SORCS1: variants seen among roughly 807,000 people sequenced by gnomAD.
SORCS1 encodes the protein sortilin related VPS10 domain containing receptor 1.
In SORCS1, 60 loss-of-function variants were observed where a neutral mutation model predicts 146.1. That is an observed-to-expected ratio of 0.41 (90% CI 0.33 to 0.51). The LOEUF (loss-of-function observed/expected upper bound fraction) is 0.51, where lower values mean the gene tolerates loss of function less well. SORCS1 is among the 20% of genes least tolerant of loss of function. SORCS1 has a pLI of 0.21. For synonymous variants in SORCS1, 637 were observed against 584.0 expected (o/e 1.09, Z -1.31); for missense variants, 1,352 against 1,487.6 (o/e 0.91, Z 1.50).
chr10:107,094,774 A>G (rs530800997), intron 1 of SORCS1, among the ~76,000 whole-genome samples: 1 of 152,344 alleles, frequency 6.6e-6, no homozygotes, highest in African/African-American at 2.4e-5. Context: ...CAAAAGTAGC[A>G]TTTGACTTGG....
rs1027897930 is a variant in SORCS1 at position 106,960,715 on chromosome 10, G to A, written c.559-4135C>T. Among the ~76,000 whole-genome samples, 1 of 152,062 alleles carries A rather than the reference G, an allele frequency of 6.6e-6. No homozygotes were observed. ...TGCGCCCAGCCAGTCCATACTTAGA[G>A]AGAGGATGCCAGTGCCCACTCACCA... On this transcript the variant is annotated intron_variant, in intron 1 of 25. Coordinates refer to ENST00000263054, the MANE Select transcript of SORCS1 (RefSeq NM_052918.5). This position sits in a 1 kb window ranked among gnomAD's most constrained non-coding sequence, Gnocchi z 4.4.
intron 2 of SORCS1, among the ~76,000 whole-genome samples, chr10:106,888,155 C>A (rs998148724): frequency 2.6e-5 from 4 of 152,162 alleles, no homozygotes; most frequent in African/African-American, 9.7e-5. Context: ...ACAAACTATT[C>A]TTCCATTCTT....
At chr10:106,920,496 C>T (rs1952660684) in intron 2 of SORCS1, among the ~76,000 whole-genome samples, 3 of 152,092 alleles carry the variant, frequency 2.0e-5, no homozygotes, top group African/African-American at 4.8e-5. Context: ...TTAAATCCAC[C>T]CCTTCTCCCT....
Position 107,090,450 on chromosome 10 carries a change from C to A in SORCS1, c.558+73519G>T, listed in dbSNP as rs114761416. On this transcript the variant is annotated intron_variant, in intron 1 of 25. Transcript: ENST00000263054. ...ACTTGTAATTCAGGTTGGGTCACGG[C>A]TTCACGAACATTACCTTCCTCATGA... Among the ~76,000 whole-genome samples, 570 of 152,280 alleles carry A rather than the reference C, an allele frequency of 3.7e-3. 3 individuals carry two copies. The highest frequency in any genetic ancestry group is 0.013 in the African/African-American group (548 of 41,562).
At chr10:106,868,571 T>C (rs1299325292) in intron 2 of SORCS1, among the ~76,000 whole-genome samples, 2 of 152,156 alleles carry the variant, frequency 1.3e-5, no homozygotes, top group Non-Finnish European at 2.9e-5. Context: ...ATGGAAATTA[T>C]GCAACATGCT....
intron 1 of SORCS1, among the ~76,000 whole-genome samples, chr10:107,075,600 T>G (rs752866531): frequency 5.9e-5 from 9 of 152,134 alleles, no homozygotes; most frequent in Non-Finnish European, 1.2e-4. Context: ...TTTGGGCTCC[T>G]GAATTTCTCC....
At chr10:106,817,474 A>G (rs543267727) in intron 3 of SORCS1, among the ~76,000 whole-genome samples, 2 of 151,978 alleles carry the variant, frequency 1.3e-5, no homozygotes, top group South Asian at 2.1e-4. Context: ...GTTTTACTCC[A>G]TTTTTCTCAT....
intron 3 of SORCS1, among the ~76,000 whole-genome samples, chr10:106,790,824 A>C (rs12242661): frequency 6.6e-6 from 1 of 152,050 alleles, no homozygotes; most frequent in South Asian, 2.1e-4. Context: ...TGTGTCAAAG[A>C]TACAATAATT....
intron 17 of SORCS1, among the ~76,000 whole-genome samples, chr10:106,654,521 G>A (rs1210633994): frequency 6.6e-6 from 1 of 152,180 alleles, no homozygotes; most frequent in African/African-American, 2.4e-5. Context: ...GTGTGACTGT[G>A]TGAAATTCAA....
At chr10:106,823,989 T>C (rs1044180652) in intron 3 of SORCS1, among the ~76,000 whole-genome samples, 7 of 152,286 alleles carry the variant, frequency 4.6e-5, no homozygotes, top group Admixed American at 4.6e-4. Flanking sequence ...TATCAACCAT[T>C]CCTCTTTGCT....
intron 1 of SORCS1, among the ~76,000 whole-genome samples, chr10:107,004,783 A>G (rs1343399001): frequency 6.6e-6 from 1 of 151,984 alleles, no homozygotes; most frequent in Non-Finnish European, 1.5e-5. Flanking sequence ...AAAATATAAA[A>G]CTTTTCATCT....
At chr10:107,121,805 T>C (rs1232122471) in intron 1 of SORCS1, among the ~76,000 whole-genome samples, 1 of 152,184 alleles carries the variant, frequency 6.6e-6, no homozygotes, top group African/African-American at 2.4e-5. Flanking sequence ...CTGAAAGAAA[T>C]ACACAGTGGT....
chr10:106,585,292 AG>A (rs1228562851), intron 24 of SORCS1, among the ~76,000 whole-genome samples: 1 of 152,110 alleles, frequency 6.6e-6, no homozygotes, highest in Non-Finnish European at 1.5e-5. Flanking sequence ...CAAGGTACCC[AG>A]GTAATTATTA....
intron 6 of SORCS1, among the ~76,000 whole-genome samples, 176 bp downstream of exon 6, chr10:106,729,874 C>T (rs908454938): frequency 6.6e-6 from 1 of 152,140 alleles, no homozygotes; most frequent in Non-Finnish European, 1.5e-5. Flanking sequence ...AAGATACCTG[C>T]ACTTTACTAG....
chr10:107,068,323 C>T (rs536326895), intron 1 of SORCS1, among the ~76,000 whole-genome samples: 18 of 152,246 alleles, frequency 1.2e-4, no homozygotes, highest in African/African-American at 4.1e-4. Context: ...CAGCACACTA[C>T]CTGCTTGTAT....
chr10:106,820,512 G>A (rs12245554), intron 3 of SORCS1, among the ~76,000 whole-genome samples: 9,736 of 152,128 alleles, frequency 0.064, 777 homozygotes, highest in African/African-American at 0.18. Context: ...ATGTTTGAAT[G>A]GAAACAATTT....
chr10:106,714,135 CAAAAAAAA>C (rs56275056), intron 6 of SORCS1, among the ~76,000 whole-genome samples: 2 of 53,086 alleles, frequency 3.8e-5, no homozygotes, highest in African/African-American at 1.7e-4. Flanking sequence ...AACTCTGCCT[CAAAAAAAA>C]AAAAAAAAAA....
chr10:107,098,934 C>T (rs530808504), intron 1 of SORCS1, among the ~76,000 whole-genome samples: 1 of 152,250 alleles, frequency 6.6e-6, no homozygotes, highest in South Asian at 2.1e-4. Flanking sequence ...CTTTGGACCC[C>T]AAATTTCATT....
Position 106,760,710 on chromosome 10 carries a change from A to AACACACAC in SORCS1, c.959+870_959+877dup, listed in dbSNP as rs58948425. On this transcript the variant is annotated intron_variant, in intron 5 of 25. Transcript: ENST00000263054. The stretch of plus-strand genomic sequence containing the variant: ...ATACACACAAACACACACACACACT[A>AACACACAC]ACACACACACACACACACACACACA... Among the ~76,000 whole-genome samples, 1,382 of 148,676 alleles carry AACACACAC rather than the reference A, an allele frequency of 9.3e-3. 22 individuals carry two copies. The highest frequency in any genetic ancestry group is 0.032 in the African/African-American group (1,317 of 40,692).
Sources: gnomAD v4.1 joint callset for allele counts (sites outside exome capture counted in the v4.1 genomes callset) on GRCh38, gnomAD v4.1.1 for gene constraint, Gnocchi (gnomAD v3.1) non-coding constraint, MANE v1.5 for transcripts, NCBI Gene and HGNC (gene_info 2026-07-23, HGNC 2026-07-21) for gene names.